The following PCSK5 variants were observed in gnomAD, a reference collection of about 807,000 sequenced individuals.
PCSK5 encodes prohormone convertase 5.
In PCSK5, 129 loss-of-function variants were observed where a neutral mutation model predicts 233.2. That is an observed-to-expected ratio of 0.55 (90% confidence interval 0.48 to 0.64). The LOEUF (loss-of-function observed/expected upper bound fraction) is 0.64. PCSK5 is among the 30% of genes least tolerant of loss of function. The pLI is 0.00. For missense variants in PCSK5, 2,076 were observed against 2,430.1 expected, an observed-to-expected ratio of 0.85 and a Z score of 3.06; for synonymous variants, 825 against 879.2, an observed-to-expected ratio of 0.94 and a Z score of 1.09.
At chr9:76,349,101 C>A (rs1234459010) in intron 35 of PCSK5, among the ~76,000 whole-genome samples, 1 of 122,722 alleles carries the variant, frequency 8.1e-6, no homozygotes, top group Non-Finnish European at 1.8e-5. Flanking sequence ...GAAACCCCGT[C>A]TCTACTAAAA....
At chr9:75,961,547 A>AT (rs1825355383) in intron 2 of PCSK5, among the ~76,000 whole-genome samples, 1 of 152,174 alleles carries the variant, frequency 6.6e-6, no homozygotes, top group Non-Finnish European at 1.5e-5. Context: ...TTAAATTCAA[A>AT]TTTTACAACT....
intron 24 of PCSK5, among the ~76,000 whole-genome samples, chr9:76,289,104 A>C (rs537932402): frequency 6.6e-6 from 1 of 152,280 alleles, no homozygotes; most frequent in Admixed American, 6.5e-5. Flanking sequence ...AGAGCTCTCA[A>C]GAGAGAGCGG....
chr9:76,132,680 A>G (rs1374186279), intron 9 of PCSK5, among the ~76,000 whole-genome samples: 5 of 152,116 alleles, frequency 3.3e-5, no homozygotes, highest in Non-Finnish European at 4.4e-5. Context: ...ACTTCTTAAT[A>G]GCTTCTTATG....
chr9:76,252,157 A>G (rs1359591771), intron 24 of PCSK5, among the ~76,000 whole-genome samples: 1 of 151,968 alleles, frequency 6.6e-6, no homozygotes, highest in Non-Finnish European at 1.5e-5. Flanking sequence ...AGTCCCAGCT[A>G]CTCGGGAGGC....
At chr9:75,985,419 T>C (rs988396424) in intron 2 of PCSK5, among the ~76,000 whole-genome samples, 2 of 152,120 alleles carry the variant, frequency 1.3e-5, no homozygotes, top group African/African-American at 4.8e-5. Context: ...GCTTCTCCAA[T>C]TTTGTGCCAG....
intron 1 of PCSK5, among the ~76,000 whole-genome samples, chr9:75,925,351 C>A (rs2131265485): frequency 6.6e-6 from 1 of 152,250 alleles, no homozygotes; most frequent in African/African-American, 2.4e-5. Flanking sequence ...AGAGACATGC[C>A]CACTGTTATT....
At chr9:75,958,141 G>T (rs573230532) in intron 2 of PCSK5, among the ~76,000 whole-genome samples, 9 of 152,302 alleles carry the variant, frequency 5.9e-5, no homozygotes. Context: ...TTGTAAACAT[G>T]AAAAGATTAT....
chr9:76,272,590 T>G (rs747281881), intron 24 of PCSK5, among the ~76,000 whole-genome samples: 27 of 151,444 alleles, frequency 1.8e-4, no homozygotes, highest in Middle Eastern at 3.4e-3. Flanking sequence ...CTGGCCAACA[T>G]AGTGAAACCC....
chr9:75,937,683 C>T (rs932198015), intron 2 of PCSK5, among the ~76,000 whole-genome samples: 5 of 152,348 alleles, frequency 3.3e-5, no homozygotes, highest in Middle Eastern at 3.4e-3. Context: ...TTTATTTCAT[C>T]TACATTGAAC....
chr9:76,069,593 T>C (rs1830410799), intron 6 of PCSK5, among the ~76,000 whole-genome samples: 1 of 152,236 alleles, frequency 6.6e-6, no homozygotes, highest in African/African-American at 2.4e-5. Context: ...CTTTTATCTT[T>C]AAACTTGACA....
intron 2 of PCSK5, among the ~76,000 whole-genome samples, chr9:75,979,285 A>G (rs552964522): frequency 6.6e-6 from 1 of 152,116 alleles, no homozygotes; most frequent in Non-Finnish European, 1.5e-5. Flanking sequence ...ACCAGTTCAT[A>G]CTGGCTAGCA....
At chr9:76,075,149 A>G (rs907226636) in intron 7 of PCSK5, among the ~76,000 whole-genome samples, 1 of 152,028 alleles carries the variant, frequency 6.6e-6, no homozygotes, top group East Asian at 1.9e-4. Context: ...GAACCCAGGG[A>G]GTGGAGGTTG....
intron 1 of PCSK5, among the ~76,000 whole-genome samples, chr9:75,895,211 T>A (rs544193093): frequency 5.9e-4 from 90 of 152,304 alleles, no homozygotes; most frequent in African/African-American, 2.1e-3. Context: ...TTCGAGGCTG[T>A]GAAAGCAGGA....
chr9:76,186,259 T>C (rs1033057006), intron 17 of PCSK5, among the ~76,000 whole-genome samples: 1 of 152,232 alleles, frequency 6.6e-6, no homozygotes. Context: ...TTATGAGAAA[T>C]ATTTGATCTT....
intron 10 of PCSK5, among the ~76,000 whole-genome samples, chr9:76,147,920 G>A (rs577097967): frequency 3.3e-5 from 5 of 152,072 alleles, no homozygotes; most frequent in African/African-American, 1.2e-4. Flanking sequence ...TGTATCACTC[G>A]TAAAGGGGGA....
chr9:76,227,136 C>G (rs1007724437), intron 20 of PCSK5, among the ~76,000 whole-genome samples: 1 of 152,162 alleles, frequency 6.6e-6, no homozygotes, highest in Non-Finnish European at 1.5e-5. Flanking sequence ...CTATACGGCC[C>G]TCTGTGGACC....
chr9:75,989,346 T>C (rs566075242), intron 3 of PCSK5, among the ~76,000 whole-genome samples: 1 of 152,238 alleles, frequency 6.6e-6, no homozygotes, highest in African/African-American at 2.4e-5. Context: ...TACAAAAAAT[T>C]AGCTGGACGA....
intron 5 of PCSK5, among the ~76,000 whole-genome samples, chr9:76,040,183 G>A (rs1247479306): frequency 6.6e-6 from 1 of 152,136 alleles, no homozygotes; most frequent in Non-Finnish European, 1.5e-5. Context: ...CTGCTCGGTA[G>A]TATGGCAGCT....
At chr9:75,997,458 C>G (rs1226238768) in intron 3 of PCSK5, among the ~76,000 whole-genome samples, 1 of 152,164 alleles carries the variant, frequency 6.6e-6, no homozygotes, top group Non-Finnish European at 1.5e-5. Flanking sequence ...TCCAGTTTCT[C>G]CAATGTAAGG....
Sources: gnomAD v4.1 joint callset for allele counts (sites outside exome capture counted in the v4.1 genomes callset) on GRCh38, gnomAD v4.1.1 for gene constraint, MANE v1.5 for transcripts, NCBI Gene and HGNC (gene_info 2026-07-23, HGNC 2026-07-21) for gene names.